OXR1: variants seen among roughly 807,000 people sequenced by gnomAD.
OXR1 encodes oxidation resistance protein 1.
In OXR1, 41 loss-of-function variants were observed where a neutral mutation model predicts 104.6. That is an observed-to-expected ratio of 0.39 (90% CI 0.31 to 0.51). OXR1 has a LOEUF of 0.51. Among genes scored for constraint, OXR1 ranks in the 20% least tolerant of loss-of-function variants. OXR1 has a pLI of 0.77. For synonymous variants in OXR1, 348 were observed against 348.4 expected (o/e 1.00, Z 0.01); for missense variants, 955 against 1,031.9 (o/e 0.93, Z 1.02).
chr8:106,363,807 A>G (rs17252071), intron 2 of OXR1, among the ~76,000 whole-genome samples: 3,098 of 152,282 alleles, frequency 0.02, 31 homozygotes, highest in Non-Finnish European at 0.031. Context: ...TTCAGAGATT[A>G]TTGGTCACAA....
intron 3 of OXR1, among the ~76,000 whole-genome samples, chr8:106,541,083 C>A (rs559782157): frequency 6.6e-6 from 1 of 152,274 alleles, no homozygotes; most frequent in South Asian, 2.1e-4. Flanking sequence ...TCATTTTCTA[C>A]ATCAGTAAAA....
chr8:106,329,165 T>C (rs1183829100), intron 1 of OXR1, among the ~76,000 whole-genome samples: 1 of 150,614 alleles, frequency 6.6e-6, no homozygotes, highest in African/African-American at 2.5e-5. Context: ...CTAAGTTTTG[T>C]ATTTTTAGTA....
rs2130337635 is a variant in OXR1 at position 106,359,571 on chromosome 8, C to T, written c.-43C>T. On this transcript the variant is annotated 5_prime_UTR_variant, in exon 2 of 17. Transcript: ENST00000517566. ...TGTTGTCGACTTGACCTGCTAATTT[C>T]CTGTTCTGGAATCGAGAGAAGACTC... 1 of 1,523,282 alleles carries T rather than the reference C, an allele frequency of 6.6e-7. No homozygotes were observed. Among genetic ancestry groups the T allele is most frequent in the East Asian group, 2.5e-5 (1 of 40,790 alleles). 94.4% of individuals were successfully genotyped at this position (1,523,282 alleles called of 1,614,324 possible).
chr8:106,503,912 G>T (rs1811982333), intron 2 of OXR1, among the ~76,000 whole-genome samples: 1 of 152,236 alleles, frequency 6.6e-6, no homozygotes, highest in Non-Finnish European at 1.5e-5. Flanking sequence ...TGAGTGACCA[G>T]TGGGAAGAGC....
chr8:106,497,990 C>A (rs1811528688), intron 2 of OXR1, among the ~76,000 whole-genome samples: 1 of 152,056 alleles, frequency 6.6e-6, no homozygotes, highest in South Asian at 2.1e-4. Context: ...AATTAATGTA[C>A]TTTTAACTGG....
chr8:106,352,013 C>G (rs542212043), intron 1 of OXR1, among the ~76,000 whole-genome samples: 1 of 152,238 alleles, frequency 6.6e-6, no homozygotes, highest in South Asian at 2.1e-4. Context: ...TGCCTCTCTA[C>G]TCTGCAGTTC....
rs1833992321 is a variant in OXR1 at position 106,732,643 on chromosome 8, A to T, written c.1957-4877A>T. Among the ~76,000 whole-genome samples the T allele has an allele frequency of 2.0e-5, 3 of 151,864 alleles. No individual in the cohort carries two copies. In the South Asian group the frequency reaches 6.2e-4, roughly 32 times the overall value. ...TTGTATCTGTTGATAAGATCACATG[A>T]TTTTTCTTCTTTACCATGTTGATGT... On this transcript the variant is annotated intron_variant, in intron 11 of 16. Transcript: ENST00000517566.
At chr8:106,600,709 A>C (rs1423046263) in intron 3 of OXR1, among the ~76,000 whole-genome samples, 1 of 152,194 alleles carries the variant, frequency 6.6e-6, no homozygotes, top group Non-Finnish European at 1.5e-5. Context: ...GAACTGTACA[A>C]TGTGATCTTA....
At chr8:106,350,791 A>G (rs957792152) in intron 1 of OXR1, among the ~76,000 whole-genome samples, 4 of 152,200 alleles carry the variant, frequency 2.6e-5, no homozygotes, top group African/African-American at 4.8e-5. Context: ...AGAGACACAT[A>G]TCTGTGTTCT....
At chr8:106,628,835 G>C (rs906970146) in intron 3 of OXR1, among the ~76,000 whole-genome samples, 2 of 152,128 alleles carry the variant, frequency 1.3e-5, no homozygotes, top group African/African-American at 4.8e-5. Context: ...TCAGGGATTA[G>C]CATCTTGATG....
At chr8:106,460,712 G>A (rs1004866503) in intron 2 of OXR1, among the ~76,000 whole-genome samples, 4 of 152,082 alleles carry the variant, frequency 2.6e-5, no homozygotes, top group Admixed American at 6.6e-5. Flanking sequence ...AACATGTCTC[G>A]TTAAGGAAAA....
chr8:106,474,349 C>T (rs1190337260), intron 2 of OXR1, among the ~76,000 whole-genome samples: 1 of 151,616 alleles, frequency 6.6e-6, no homozygotes, highest in Non-Finnish European at 1.5e-5. Context: ...AGAAGTATTT[C>T]TTTAGATTAC....
At chr8:106,694,173 T>C (rs1263841554) in intron 7 of OXR1, among the ~76,000 whole-genome samples, 2 of 151,730 alleles carry the variant, frequency 1.3e-5, no homozygotes, top group East Asian at 1.9e-4. Flanking sequence ...GAATATCGTA[T>C]GTTTTAATAA....
chr8:106,652,558 T>G (rs894152907), intron 3 of OXR1, among the ~76,000 whole-genome samples: 18 of 152,048 alleles, frequency 1.2e-4, no homozygotes, highest in African/African-American at 4.3e-4. Flanking sequence ...GGAAAATTAC[T>G]TTGAGATAAA....
intron 1 of OXR1, among the ~76,000 whole-genome samples, chr8:106,352,068 A>G (rs1322105968): frequency 6.6e-6 from 1 of 152,104 alleles, no homozygotes; most frequent in Non-Finnish European, 1.5e-5. Context: ...CTCAGTTTGC[A>G]GTGTATTGCA....
At chr8:106,700,388 C>T (rs1381404802) in intron 7 of OXR1, among the ~76,000 whole-genome samples, 3 of 152,062 alleles carry the variant, frequency 2.0e-5, no homozygotes, top group Non-Finnish European at 2.9e-5. Flanking sequence ...TCTTGGCAAA[C>T]TCTTGATTTA....
intron 2 of OXR1, among the ~76,000 whole-genome samples, chr8:106,458,257 C>G (rs542029996): frequency 2.6e-5 from 4 of 152,182 alleles, no homozygotes; most frequent in East Asian, 3.9e-4. Flanking sequence ...TATTTGCTGC[C>G]CAGGTCTGCC....
chr8:106,330,534 T>C (rs943348123), intron 1 of OXR1, among the ~76,000 whole-genome samples: 4 of 152,230 alleles, frequency 2.6e-5, no homozygotes, highest in East Asian at 1.9e-4. Context: ...TGTTTATTTC[T>C]AGGGTTATTA....
intron 15 of OXR1, 60 bp from the exon 16 acceptor site, chr8:106,745,729 C>T: frequency 1.2e-6 from 1 of 814,528 alleles, no homozygotes; most frequent in Non-Finnish European, 2.0e-6. Context: ...TTTTGGAGAA[C>T]TAACTCTCTA....
Sources: allele counts gnomAD v4.1 joint callset (sites outside exome capture counted in the v4.1 genomes callset), GRCh38; gene constraint gnomAD v4.1.1; transcripts MANE v1.5; gene names NCBI Gene and HGNC (gene_info 2026-07-23, HGNC 2026-07-21).